NUP62CL: variants seen among roughly 807,000 people sequenced by gnomAD.
The protein encoded by NUP62CL is nucleoporin 62 C-terminal like.
Under a neutral mutation model 15.3 loss-of-function variants are expected in NUP62CL, and 13 were observed. That is an observed-to-expected ratio of 0.85 (90% confidence interval 0.55 to 1.35). The LOEUF (loss-of-function observed/expected upper bound fraction) is 1.35, where lower values mean the gene tolerates loss of function less well. NUP62CL is among the 40% of genes most tolerant of loss of function. The probability of loss-of-function intolerance (pLI) is 0.00; values close to 1 mark genes in which losing one functional copy is unlikely to be tolerated. For missense variants in NUP62CL, 123 were observed against 130.6 expected (o/e 0.94, Z 0.28); for synonymous variants, 54 against 49.2 (o/e 1.10, Z -0.41).
intron 2 of NUP62CL, 67 bp downstream of exon 2, chrX:107,192,962 T>C (rs1486986817): frequency 9.0e-6 from 1 of 111,438 alleles, no homozygotes; most frequent in Non-Finnish European, 1.9e-5. Flanking sequence ...ATACCAGATG[T>C]AGAGAAAATA....
intron 2 of NUP62CL, among the ~76,000 whole-genome samples, chrX:107,177,587 CA>C (rs1926815114): frequency 9.0e-6 from 1 of 111,535 alleles, no homozygotes; most frequent in African/African-American, 3.3e-5. Flanking sequence ...CAGAAAGATA[CA>C]AAATTGCTGA....
At chrX:107,170,459 C>T (rs1252278200) in intron 3 of NUP62CL, among the ~76,000 whole-genome samples, 1 of 104,400 alleles carries the variant, frequency 9.6e-6, no homozygotes, top group Non-Finnish European at 1.9e-5. Context: ...GTCACCCAGG[C>T]TAGAGTGCAG....
chrX:107,154,125 C>T lies in NUP62CL; in HGVS notation c.316G>A (p.Asp106Asn). The change falls in exon 5 of 9, where the codon GAC becomes AAC. Residue 106 changes from aspartate (D) to asparagine (N), a missense_variant. Transcript: ENST00000372466. ...LLQATQVNAW[D>N]HTLIENGEMI... Reference sequence around the variant, plus strand: ...TCACCATTCTCAATCAATGTATGGTCCCAAGCATTGACCTGAGTGGCCTGG... The same window carrying T: ...TCACCATTCTCAATCAATGTATGGTTCCAAGCATTGACCTGAGTGGCCTGG... The T allele has an allele frequency of 8.3e-7, 1 of 1,206,198 alleles. No individual in the cohort carries two copies. The highest frequency in any genetic ancestry group is 1.1e-6 in the Non-Finnish European group (1 of 892,281).
intron 1 of NUP62CL, among the ~76,000 whole-genome samples, chrX:107,193,487 C>A (rs1461978287): frequency 1.8e-5 from 2 of 111,925 alleles, no homozygotes; most frequent in African/African-American, 6.5e-5. Flanking sequence ...ATGGAAAAGA[C>A]AAGAAACATG....
chrX:107,147,727 A>G lies in NUP62CL; in HGVS notation c.*42+16T>C, dbSNP rs931855007. The stretch of plus-strand genomic sequence containing the variant: ...TTGCAATAAATACACAGAGTGGCAT[A>G]CAAGCAAACTCCCACCTGAATTCCG... On this transcript the variant is annotated intron_variant, in intron 8 of 8. Coordinates refer to ENST00000372466, the MANE Select transcript of NUP62CL (RefSeq NM_017681.3). 1.2e-5 allele frequency: 12 copies of G among 1,025,306 alleles called. No individual in the cohort carries two copies. The highest frequency in any genetic ancestry group is 1.5e-5 in the Non-Finnish European group (11 of 727,833). The allele number at this position is 1,025,306 out of a possible 1,213,427, so 84.5% of individuals were successfully genotyped here. A position where few individuals can be genotyped will look rare whatever the true frequency, so the allele number is the denominator to read the frequency against.
chrX:107,156,294 T>G (rs1373168574), intron 4 of NUP62CL, among the ~76,000 whole-genome samples: 1 of 107,614 alleles, frequency 9.3e-6, no homozygotes, highest in Non-Finnish European at 1.9e-5. Flanking sequence ...CAAGGAGGCC[T>G]GCCTGCCTCT....
chrX:107,165,366 C>T (rs975316062), intron 4 of NUP62CL, among the ~76,000 whole-genome samples: 23 of 109,386 alleles, frequency 2.1e-4, no homozygotes, highest in African/African-American at 7.6e-4. Flanking sequence ...AAGAAAGATA[C>T]AGGCCGAGAA....
chrX:107,204,817 ATTATTTAAATAAATTTTAAATAAATTAT>A (rs1927609545), intron 1 of NUP62CL, among the ~76,000 whole-genome samples: 3 of 73,183 alleles, frequency 4.1e-5, no homozygotes. Context: ...TTTTAAATAA[ATTATTTAAATAAATTTTAAATAAATTAT>A]TTATTTAAAT....
chrX:107,158,298 C>T (rs1258729637), intron 4 of NUP62CL, among the ~76,000 whole-genome samples: 1 of 42,869 alleles, frequency 2.3e-5, no homozygotes, highest in Non-Finnish European at 3.4e-5. Flanking sequence ...ATCTACAGAA[C>T]TCTCCACCCC....
chrX:107,201,388 A>G (rs1927481329), intron 1 of NUP62CL, among the ~76,000 whole-genome samples: 1 of 110,281 alleles, frequency 9.1e-6, no homozygotes, highest in Admixed American at 9.7e-5. Flanking sequence ...GGTAAACTCT[A>G]CTTTACTTTC....
At chrX:107,155,631 T>C (rs1168203652) in intron 4 of NUP62CL, among the ~76,000 whole-genome samples, 2 of 111,300 alleles carry the variant, frequency 1.8e-5, no homozygotes, top group Non-Finnish European at 3.8e-5. Flanking sequence ...AAGCTGAACA[T>C]ACAAACACAC....
At chrX:107,201,569 A>G (rs1331207438) in intron 1 of NUP62CL, among the ~76,000 whole-genome samples, 1 of 110,176 alleles carries the variant, frequency 9.1e-6, no homozygotes, top group East Asian at 2.8e-4. Context: ...GGAATACTAT[A>G]TAGCAATAAA....
chrX:107,152,061 T>TATATATATATTCAG (rs1865517809), intron 7 of NUP62CL, among the ~76,000 whole-genome samples: 2 of 69,238 alleles, frequency 2.9e-5, no homozygotes, highest in African/African-American at 1.4e-4. Context: ...TATATATATA[T>TATATATATATTCAG]ATATATATAT....
intron 7 of NUP62CL, chrX:107,150,948 T>C (rs1925995137): frequency 2.9e-6 from 1 of 341,399 alleles, no homozygotes; most frequent in Non-Finnish European, 5.9e-6. Flanking sequence ...TGAGCATCTA[T>C]ACTTTCTGCT....
In NUP62CL at chrX:107,199,919, A is replaced by G. The variant is rs1350304853; in HGVS notation, c.-92+6354T>C. Among the ~76,000 whole-genome samples, 3 of 111,971 alleles carry G rather than the reference A, an allele frequency of 2.7e-5. 1 individual carries two copies. Among genetic ancestry groups the G allele is most frequent in the African/African-American group, 9.7e-5 (3 of 30,860 alleles). Reference sequence around the variant, plus strand: ...AGCCTCAAAGCACAGTAATGACCCTATTTGTCAGTAATAGTTATGCATGCC... The same window carrying G: ...AGCCTCAAAGCACAGTAATGACCCTGTTTGTCAGTAATAGTTATGCATGCC... On this transcript the variant is annotated intron_variant, in intron 1 of 8. Transcript: ENST00000372466.
At chrX:107,159,996 CAG>C (rs1926315425) in intron 4 of NUP62CL, among the ~76,000 whole-genome samples, 2 of 104,158 alleles carry the variant, frequency 1.9e-5, no homozygotes, top group Admixed American at 2.1e-4. Flanking sequence ...AACAGACAAA[CAG>C]AGAGCCAAAT....
chrX:107,168,275 C>A (rs1038145377), intron 3 of NUP62CL, among the ~76,000 whole-genome samples: 6 of 111,490 alleles, frequency 5.4e-5, no homozygotes, highest in Non-Finnish European at 9.4e-5. Flanking sequence ...TGCCAAATTG[C>A]CCTATCTAAA....
Position 107,175,074 on chromosome X carries a change from G to A in NUP62CL, c.58+15C>T. On this transcript the variant is annotated intron_variant, in intron 3 of 8. Transcript: ENST00000372466. ...ATGGGAAATAACAGTATTTTCTTTAGAATTAGTAACTTACATGAGAGCCCA... is the reference window on the plus strand; with the variant it reads ...ATGGGAAATAACAGTATTTTCTTTAAAATTAGTAACTTACATGAGAGCCCA... 1 of 1,172,124 alleles carries A rather than the reference G, an allele frequency of 8.5e-7. No homozygotes were observed. Among genetic ancestry groups the A allele is most frequent in the Non-Finnish European group, 1.2e-6 (1 of 861,152 alleles).
At chrX:107,149,507 C>T (rs1925960614) in intron 7 of NUP62CL, among the ~76,000 whole-genome samples, 1 of 106,791 alleles carries the variant, frequency 9.4e-6, no homozygotes, top group Admixed American at 1.0e-4. Context: ...CGGGAAGGGA[C>T]CTACAGATCA....
Sources: gnomAD v4.1 joint callset for allele counts (sites outside exome capture counted in the v4.1 genomes callset) on GRCh38, gnomAD v4.1.1 for gene constraint, MANE v1.5 for transcripts, NCBI Gene and HGNC (gene_info 2026-07-23, HGNC 2026-07-21) for gene names.